MBOAT1: variants seen among roughly 807,000 people sequenced by gnomAD.
MBOAT1 encodes membrane bound glycerophospholipid O-acyltransferase 1.
A neutral mutation model predicts 64.4 loss-of-function variants in MBOAT1; 67 were observed. That is an observed-to-expected ratio of 1.04 (90% confidence interval 0.85 to 1.27). MBOAT1 has a LOEUF of 1.27. Among genes scored for constraint, MBOAT1 ranks in the 50% most tolerant of loss-of-function variants. The pLI is 0.00. For missense variants in MBOAT1, 563 were observed against 604.6 expected, an observed-to-expected ratio of 0.93 and a Z score of 0.72; for synonymous variants, 229 against 218.9, an observed-to-expected ratio of 1.05 and a Z score of -0.41.
chr6:20,159,209 C>T (rs1761777990), intron 1 of MBOAT1, among the ~76,000 whole-genome samples: 1 of 152,070 alleles, frequency 6.6e-6, no homozygotes, highest in Non-Finnish European at 1.5e-5. Context: ...CCAGGCCACA[C>T]AGCAGAAGGT....
At chr6:20,111,364 T>A (rs1331942704) in intron 11 of MBOAT1, among the ~76,000 whole-genome samples, 1 of 152,170 alleles carries the variant, frequency 6.6e-6, no homozygotes, top group Non-Finnish European at 1.5e-5. Context: ...ATGCTGCACA[T>A]CAGCTATGAG....
rs1238014356 is a variant in MBOAT1 at position 20,102,278 on chromosome 6, T to A, written c.*8A>T. 1.9e-6 allele frequency: 3 copies of A among 1,612,836 alleles called. No homozygotes were observed. The African/African-American group carries it at 4.0e-5, about 22-fold the overall frequency. On this transcript the variant is annotated 3_prime_UTR_variant, in exon 13 of 13. Coordinates refer to ENST00000324607, the MANE Select transcript of MBOAT1 (RefSeq NM_001080480.3). ...GCAGTTTTGCTTGTTCCGCTTCTCTTGGAGGTATCAATCTGTTTTTCTCTT... is the reference window on the plus strand; with the variant it reads ...GCAGTTTTGCTTGTTCCGCTTCTCTAGGAGGTATCAATCTGTTTTTCTCTT...
At chr6:20,111,009 G>A (rs1760121515) in intron 11 of MBOAT1, among the ~76,000 whole-genome samples, 1 of 152,156 alleles carries the variant, frequency 6.6e-6, no homozygotes. Flanking sequence ...CTGTGCTAAT[G>A]ATTTGCATGG....
At chr6:20,151,802 C>A (rs570799626) in intron 2 of MBOAT1, among the ~76,000 whole-genome samples, 1 of 152,298 alleles carries the variant, frequency 6.6e-6, no homozygotes, top group African/African-American at 2.4e-5. Context: ...GAGGAAAGTA[C>A]AATTGACCAG....
chr6:20,155,558 T>C (rs550957797), intron 1 of MBOAT1, among the ~76,000 whole-genome samples: 1 of 152,360 alleles, frequency 6.6e-6, no homozygotes, highest in South Asian at 2.1e-4. Context: ...GGTCTAATGG[T>C]CTCTGATTCT....
intron 9 of MBOAT1, among the ~76,000 whole-genome samples, chr6:20,117,762 T>G (rs1209212583): frequency 1.3e-5 from 2 of 152,208 alleles, no homozygotes; most frequent in African/African-American, 4.8e-5. Context: ...CGCTTCTGCA[T>G]GTTGAGAATC....
rs369502248 is a variant in MBOAT1, at chr6:20,113,003, C to A, written c.1082G>T (p.Cys361Phe). Residue 361 changes from cysteine to phenylalanine, a missense_variant, in exon 11 of 13, where the codon TGC becomes TTC. Cys to Phe is a radical substitution (Grantham distance 205, BLOSUM62 -2). Transcript: ENST00000324607. Reference protein sequence around the residue: ...IQTATWLKCVCYQRVPWYPTV... With the variant: ...IQTATWLKCVFYQRVPWYPTV... ...GGGGTACCATGGAACCCGCTGATAGCACACACTGTGAAGAGAGGAAGGAAC... is the reference window on the plus strand; with the variant it reads ...GGGGTACCATGGAACCCGCTGATAGAACACACTGTGAAGAGAGGAAGGAAC... 1.9e-6 allele frequency: 3 copies of A among 1,613,202 alleles called. No homozygotes were observed. The highest frequency in any genetic ancestry group is 2.5e-6 in the Non-Finnish European group (3 of 1,179,660).
intron 1 of MBOAT1, among the ~76,000 whole-genome samples, chr6:20,168,650 G>A (rs1349333798): frequency 4.2e-4 from 48 of 115,078 alleles, no homozygotes; most frequent in African/African-American, 5.8e-4. Flanking sequence ...AGAGAGGAGA[G>A]GAGAGGGAAA....
intron 1 of MBOAT1, among the ~76,000 whole-genome samples, chr6:20,162,984 T>C (rs1403703103): frequency 2.0e-5 from 3 of 152,212 alleles, no homozygotes; most frequent in South Asian, 2.1e-4. Context: ...GAGATTAAAT[T>C]GTACAGGGAG....
At chr6:20,204,055 A>C (rs976431615) in intron 1 of MBOAT1, among the ~76,000 whole-genome samples, 1 of 152,252 alleles carries the variant, frequency 6.6e-6, no homozygotes, top group Non-Finnish European at 1.5e-5. Flanking sequence ...CCATCTTTAA[A>C]TTCAATTTGT....
intron 4 of MBOAT1, among the ~76,000 whole-genome samples, chr6:20,137,478 G>A (rs1486304077): frequency 6.8e-6 from 1 of 147,886 alleles, no homozygotes; most frequent in African/African-American, 2.5e-5. Flanking sequence ...CAGGAGAACA[G>A]GAAATATTCT....
rs565816144 is a variant in MBOAT1 at position 20,109,736 on chromosome 6, T to C, written c.1223A>G (p.Tyr408Cys). 13 of 1,613,722 alleles carry C rather than the reference T, an allele frequency of 8.1e-6. No homozygotes were observed. Among genetic ancestry groups the C allele is most frequent in the African/African-American group, 4.0e-5 (3 of 74,994 alleles). ...TLAARAVRNN[Y>C]RHYFLSSRAL... Reference sequence around the variant, plus strand: ...TCTTGAAGAAAGGAAGTAATGTCTGTAGTTGTTCCTGACCTGCAGGCCAAC... The same window carrying C: ...TCTTGAAGAAAGGAAGTAATGTCTGCAGTTGTTCCTGACCTGCAGGCCAAC... Residue 408 changes from tyrosine (Y) to cysteine (C), a missense_variant, in exon 12 of 13, where the codon TAC (tyrosine) becomes TGC (cysteine). Transcript: ENST00000324607.
chr6:20,131,228 T>C (rs1581410699), intron 4 of MBOAT1, 29 bp from the exon 5 acceptor site: 1 of 1,605,028 alleles, frequency 6.2e-7, no homozygotes, highest in Middle Eastern at 1.7e-4. Flanking sequence ...ATAATCAAGA[T>C]TGGCAAGAAG....
At chr6:20,143,842 A>G (rs1761250266) in intron 4 of MBOAT1, among the ~76,000 whole-genome samples, 1 of 152,248 alleles carries the variant, frequency 6.6e-6, no homozygotes, top group Non-Finnish European at 1.5e-5. Flanking sequence ...GTAAAGAACC[A>G]AATAGTAAAT....
chr6:20,205,060 G>A (rs982028474), intron 1 of MBOAT1, among the ~76,000 whole-genome samples: 19 of 152,096 alleles, frequency 1.2e-4, no homozygotes, highest in African/African-American at 4.3e-4. Context: ...TTAGCCAGGT[G>A]GGGTGGTATG....
chr6:20,111,500 C>T (rs560731928), intron 11 of MBOAT1, among the ~76,000 whole-genome samples: 12 of 152,130 alleles, frequency 7.9e-5, no homozygotes, highest in Non-Finnish European at 4.4e-5. Flanking sequence ...AATTCGTTTG[C>T]GAATAGTGTT....
Position 20,172,041 on chromosome 6 carries a change from C to A in MBOAT1, c.100-19272G>T, listed in dbSNP as rs564359702. ...GAGTGAGATTCTGTCTCTAAAAAAA[C>A]AAAAACAAAAACAAAAACAAACAAG... On this transcript the variant is annotated intron_variant, in intron 1 of 12. Transcript: ENST00000324607. Among the ~76,000 whole-genome samples, 774 of 148,272 alleles carry A rather than the reference C, an allele frequency of 5.2e-3. 19 individuals carry two copies. Among genetic ancestry groups the A allele is most frequent in the Admixed American group, 0.049 (742 of 15,024 alleles).
chr6:20,189,029 AG>A (rs1438689617), intron 1 of MBOAT1, among the ~76,000 whole-genome samples: 7 of 152,180 alleles, frequency 4.6e-5, no homozygotes, highest in African/African-American at 1.7e-4. Context: ...ATTCCAACTA[AG>A]AAAGATCACA....
At chr6:20,170,892 CTGAATGAATGAATGAA>C (rs36129397) in intron 1 of MBOAT1, among the ~76,000 whole-genome samples, 10 of 150,478 alleles carry the variant, frequency 6.6e-5, no homozygotes, top group East Asian at 2.0e-4. Context: ...TCTCAATATT[CTGAATGAATGAATGAA>C]TGAATGAATG....
Sources: allele counts gnomAD v4.1 joint callset (sites outside exome capture counted in the v4.1 genomes callset), GRCh38; gene constraint gnomAD v4.1.1; transcripts MANE v1.5; gene names NCBI Gene and HGNC (gene_info 2026-07-23, HGNC 2026-07-21).